Variants in TTLL8 observed in about 807,000 individuals in gnomAD.
The protein encoded by TTLL8 is tubulin tyrosine ligase like 8.
A neutral mutation model predicts 77.8 loss-of-function variants in TTLL8; 65 were observed. That is an observed-to-expected ratio of 0.84 (90% CI 0.68 to 1.03). TTLL8 has a LOEUF of 1.03. Ranked by LOEUF, TTLL8 falls within the 50% of genes least tolerant of loss-of-function variation. The probability of loss-of-function intolerance (pLI) is 0.00; values close to 1 mark genes in which losing one functional copy is unlikely to be tolerated. For missense variants in TTLL8, 910 were observed against 1,004.5 expected (o/e 0.91, Z 1.27); for synonymous variants, 402 against 422.8 (o/e 0.95, Z 0.60).
At chr22:50,030,992 G>T in intron 11 of TTLL8, 67 bp from the exon 13 acceptor site, 2 of 1,264,526 alleles carry the variant, frequency 1.6e-6, no homozygotes, top group South Asian at 1.3e-5. Context: ...TGCAGGAGGG[G>T]TCTGTGCAGG....
chr22:50,038,716 G>A (rs149235653), intron 8 of TTLL8, among the ~76,000 whole-genome samples: 1,658 of 152,196 alleles, frequency 0.011, 26 homozygotes, highest in Admixed American at 0.055. Context: ...AGAAGCTGAG[G>A]TGGAAAGATT....
Position 50,033,191 on chromosome 22 carries a change from AC to A in TTLL8, c.1283+10del, listed in dbSNP as rs5845912. On this transcript the variant is annotated intron_variant, in intron 10 of 13. Transcript: ENST00000266182. Reference sequence around the variant, plus strand: ...CTGGCCCGAGGTGTCCAGGTCGCCCACCGCACTGACCTGTCCAGCTTGTCCA... The same window carrying A: ...CTGGCCCGAGGTGTCCAGGTCGCCCACGCACTGACCTGTCCAGCTTGTCCA... 616,645 of 1,337,426 alleles carry A rather than the reference AC, an allele frequency of 0.46. 146,786 individuals carry two copies. Among genetic ancestry groups the A allele is most frequent in the Non-Finnish European group, 0.49 (497,117 of 1,005,728 alleles). 82.8% of individuals were successfully genotyped at this position (1,337,426 alleles called of 1,614,324 possible). A position where few individuals can be genotyped will look rare whatever the true frequency, so the allele number is the denominator to read the frequency against.
At chr22:50,025,747 A>G (rs912049067) in intron 12 of TTLL8, among the ~76,000 whole-genome samples, 2 of 152,248 alleles carry the variant, frequency 1.3e-5, no homozygotes, top group South Asian at 2.1e-4. Flanking sequence ...TTAGTAAGGC[A>G]TTTTGCAAAG....
intron 12 of TTLL8, 21 bp downstream of exon 13, chr22:50,030,409 A>G (rs756354229): frequency 6.2e-6 from 8 of 1,300,656 alleles, no homozygotes; most frequent in Middle Eastern, 3.4e-4. Flanking sequence ...CCCACAGCGC[A>G]CCGCCGGCGG....
At chr22:50,050,137 A>G (rs2061436447) in exon 2 of TTLL8, 1 of 1,367,242 alleles carries the variant, frequency 7.3e-7, no homozygotes, top group Non-Finnish European at 9.8e-7. Flanking sequence ...CATCCTCGAC[A>G]TCCGGAATGA....
chr22:50,031,458 G>C (rs904609921), intron 11 of TTLL8, among the ~76,000 whole-genome samples: 5 of 152,216 alleles, frequency 3.3e-5, no homozygotes, highest in African/African-American at 1.2e-4. Context: ...CCGCCCGCAC[G>C]CCTGGAGTAG....
chr22:50,057,352 T>TG (rs1226008162), upstream of TTLL8, among the ~76,000 whole-genome samples: 9 of 91,352 alleles, frequency 9.9e-5, no homozygotes, highest in Non-Finnish European at 1.7e-4. Flanking sequence ...AGGTCTGGGT[T>TG]GTGAGTCAGG....
intron 4 of TTLL8, 46 bp from the exon 7 acceptor site, chr22:50,046,016 G>T: frequency 7.7e-7 from 1 of 1,303,488 alleles, no homozygotes. Context: ...GCTCAGCTCA[G>T]CTCTGCCTCG....
intron 6 of TTLL8, among the ~76,000 whole-genome samples, chr22:50,043,361 C>T (rs1208593504): frequency 5.4e-5 from 5 of 92,118 alleles, no homozygotes; most frequent in Non-Finnish European, 8.6e-5. Flanking sequence ...AGACACCCTT[C>T]GGTAGATGGA....
intron 12 of TTLL8, among the ~76,000 whole-genome samples, chr22:50,019,419 G>A (rs1185733693): frequency 6.6e-6 from 1 of 152,224 alleles, no homozygotes; most frequent in Admixed American, 6.5e-5. Context: ...CTCCCCTCCT[G>A]TCTGGATCAG....
upstream of TTLL8, among the ~76,000 whole-genome samples, chr22:50,058,015 G>C (rs2061494799): frequency 6.6e-6 from 1 of 151,872 alleles, no homozygotes; most frequent in African/African-American, 2.4e-5. The surrounding 1 kb of genome is among the most constrained non-coding windows in gnomAD (Gnocchi z 4.2). Flanking sequence ...TGGAGGCCCG[G>C]GGCGGGGAGG....
chr22:50,049,998 C>G, intron 2 of TTLL8, 111 bp downstream of exon 4: 1 of 1,222,972 alleles, frequency 8.2e-7, no homozygotes, highest in South Asian at 1.4e-5. Flanking sequence ...GATACCCCAT[C>G]ACGCACACCA....
At chr22:50,055,317 G>T (rs1202505180), upstream of TTLL8, 2 of 1,289,838 alleles carry the variant, frequency 1.6e-6, no homozygotes, top group South Asian at 2.5e-5. Flanking sequence ...GAAATTCCTT[G>T]TTTTAATTCT....
At chr22:50,027,956 G>A (rs1016343010) in intron 12 of TTLL8, among the ~76,000 whole-genome samples, 4 of 152,212 alleles carry the variant, frequency 2.6e-5, no homozygotes, top group South Asian at 2.1e-4. Context: ...ACGCACGGAC[G>A]CCAGCACCCA....
At chr22:50,030,481 G>T in exon 12 of TTLL8, 2 of 1,344,212 alleles carry the variant, frequency 1.5e-6, no homozygotes, top group Non-Finnish European at 2.0e-6. Flanking sequence ...TTCAGGCCCC[G>T]CAGCACAGGC....
At chr22:50,025,527 T>G (rs1465669583) in intron 12 of TTLL8, among the ~76,000 whole-genome samples, 1 of 152,152 alleles carries the variant, frequency 6.6e-6, no homozygotes, top group Non-Finnish European at 1.5e-5. Context: ...TAATCCCAGC[T>G]ACTCGGGAGG....
rs1274364037 is a variant in TTLL8, at chr22:50,041,144, A to G, written c.921+43T>C. The G allele has an allele frequency of 2.5e-6, 1 of 393,030 alleles. No homozygotes were observed. The allele number at this position is 393,030 out of a possible 1,614,324, so 24.3% of individuals were successfully genotyped here. On this transcript the variant is annotated intron_variant, in intron 8 of 13. Coordinates refer to ENST00000266182, the Ensembl canonical transcript of TTLL8. The surrounding 1 kb of genome is among the most constrained non-coding windows in gnomAD (Gnocchi z 4.3). The stretch of plus-strand genomic sequence containing the variant: ...CTCTGCCAGTCACTCACCAACACCA[A>G]GAGTGAGGCAGGTGCCCCAGTGGAG...
chr22:50,021,460 TGAC>T (rs1428126717), intron 12 of TTLL8, among the ~76,000 whole-genome samples: 25 of 137,526 alleles, frequency 1.8e-4, no homozygotes, highest in South Asian at 9.9e-4. Flanking sequence ...CTCCTCCATG[TGAC>T]GACGTGCACT....
intron 12 of TTLL8, among the ~76,000 whole-genome samples, chr22:50,022,247 T>G (rs1356795258): frequency 6.7e-6 from 1 of 148,170 alleles, no homozygotes; most frequent in Non-Finnish European, 1.5e-5. Context: ...TCTGACAATG[T>G]GTACTCCTCC....
Sources: allele counts gnomAD v4.1 joint callset (sites outside exome capture counted in the v4.1 genomes callset), GRCh38; gene constraint gnomAD v4.1.1; non-coding constraint Gnocchi (gnomAD v3.1); transcripts MANE v1.5; gene names NCBI Gene and HGNC (gene_info 2026-07-23, HGNC 2026-07-21).